Variants in DGKH observed in about 807,000 individuals in gnomAD.
DGKH encodes diacylglycerol kinase eta.
Under a neutral mutation model 159.3 loss-of-function variants are expected in DGKH, and 90 were observed. The ratio of observed to expected loss-of-function variants is 0.57; its 90% CI spans 0.48 to 0.67. DGKH has a LOEUF of 0.67. DGKH is among the 30% of genes least tolerant of loss of function. The pLI is 0.00. For synonymous variants in DGKH, 536 were observed against 553.8 expected, an observed-to-expected ratio of 0.97 and a Z score of 0.45; for missense variants, 1,181 against 1,506.1, an observed-to-expected ratio of 0.78 and a Z score of 3.57.
intron 13 of DGKH, among the ~76,000 whole-genome samples, chr13:42,181,220 T>A (rs1026986353): frequency 1.5e-5 from 2 of 133,710 alleles, no homozygotes; most frequent in South Asian, 2.3e-4. Flanking sequence ...GAGCTTGCAG[T>A]GAGCGGAGAT....
intron 16 of DGKH, 62 bp from the exon 17 acceptor site, chr13:42,194,823 G>T: frequency 6.6e-7 from 1 of 1,525,914 alleles, no homozygotes; most frequent in Non-Finnish European, 8.9e-7. Context: ...AAATTTATAG[G>T]AACGTGCTTA....
intron 13 of DGKH, 57 bp downstream of exon 13, chr13:42,178,277 C>T: frequency 7.3e-7 from 1 of 1,373,252 alleles, no homozygotes; most frequent in East Asian, 2.3e-5. Flanking sequence ...TAGCTGGCTC[C>T]TACCATTTAG....
intron 11 of DGKH, among the ~76,000 whole-genome samples, chr13:42,171,992 G>A (rs1023485666): frequency 6.6e-6 from 1 of 151,940 alleles, no homozygotes; most frequent in Non-Finnish European, 1.5e-5. Context: ...ACCACGCCCG[G>A]CTAATTTTTG....
intron 29 of DGKH, among the ~76,000 whole-genome samples, chr13:42,224,256 G>C (rs1397329865): frequency 1.3e-5 from 2 of 152,136 alleles, no homozygotes; most frequent in Non-Finnish European, 2.9e-5. Context: ...CCAGTGCTCT[G>C]CATTTTATAA....
chr13:42,165,485 AT>A (rs1171516904), intron 8 of DGKH, 52 bp downstream of exon 8: 2 of 1,024,452 alleles, frequency 2.0e-6, no homozygotes, highest in Admixed American at 2.7e-5. Flanking sequence ...TAACATTGAT[AT>A]GTATATTTCT....
chr13:42,248,454 C>T (rs1218981557), intron 29 of DGKH, among the ~76,000 whole-genome samples: 3 of 146,048 alleles, frequency 2.1e-5, no homozygotes, highest in African/African-American at 7.5e-5. Flanking sequence ...TATAGATATA[C>T]ATAAGTATAA....
At chr13:42,194,785 G>T in intron 16 of DGKH, 100 bp from the exon 17 acceptor site, 2 of 1,330,810 alleles carry the variant, frequency 1.5e-6, no homozygotes, top group Non-Finnish European at 2.0e-6. Context: ...CATTTCTACT[G>T]ATTGATTTAA....
At chr13:42,053,101 C>G (rs1881441155) in intron 1 of DGKH, among the ~76,000 whole-genome samples, 1 of 151,682 alleles carries the variant, frequency 6.6e-6, no homozygotes, top group African/African-American at 2.4e-5. Flanking sequence ...TTTGAGAGGC[C>G]AAGGTAGGAC....
chr13:42,156,283 C>T (rs548766084), intron 5 of DGKH, among the ~76,000 whole-genome samples: 1 of 152,128 alleles, frequency 6.6e-6, no homozygotes, highest in Non-Finnish European at 1.5e-5. Flanking sequence ...CACTCTGTCA[C>T]CCATCCTGGA....
At chr13:42,214,125 T>C (rs1957731034) in intron 24 of DGKH, among the ~76,000 whole-genome samples, 1 of 152,214 alleles carries the variant, frequency 6.6e-6, no homozygotes, top group African/African-American at 2.4e-5. Flanking sequence ...TGCTCTTCCC[T>C]AATCTGTTGC....
chr13:42,061,196 T>C (rs1882138634), intron 1 of DGKH, among the ~76,000 whole-genome samples: 1 of 152,184 alleles, frequency 6.6e-6, no homozygotes, highest in Non-Finnish European at 1.5e-5. Context: ...ATAGCATGTG[T>C]GGAAGGCTGG....
At chr13:42,216,261 A>G (rs1036255286) in intron 26 of DGKH, among the ~76,000 whole-genome samples, 2 of 152,232 alleles carry the variant, frequency 1.3e-5, no homozygotes, top group African/African-American at 4.8e-5. Context: ...GCCTTTCTTT[A>G]TAAATACCTC....
chr13:42,095,813 T>G (rs1954519499), intron 1 of DGKH, among the ~76,000 whole-genome samples: 1 of 152,232 alleles, frequency 6.6e-6, no homozygotes, highest in South Asian at 2.1e-4. Context: ...ATAACCTGAC[T>G]TGTTCACTAG....
At chr13:42,250,056 C>T (rs2060593) in intron 29 of DGKH, among the ~76,000 whole-genome samples, 56,703 of 151,074 alleles carry the variant, frequency 0.38, 11,064 homozygotes, top group East Asian at 0.63. Context: ...CTGCAACCTC[C>T]GCCTCTCGGG....
intron 3 of DGKH, among the ~76,000 whole-genome samples, chr13:42,146,189 T>A (rs1168548275): frequency 5.7e-5 from 8 of 140,468 alleles, no homozygotes; most frequent in African/African-American, 2.1e-4. Flanking sequence ...AGTATTCATA[T>A]GAATGTACTT....
intron 28 of DGKH, among the ~76,000 whole-genome samples, chr13:42,220,734 T>C (rs1021323024): frequency 2.0e-5 from 3 of 152,214 alleles, no homozygotes; most frequent in African/African-American, 7.2e-5. Flanking sequence ...TAAATTGTGA[T>C]TTAATAGCAC....
At chr13:42,095,005 A>T (rs1018752497) in intron 1 of DGKH, among the ~76,000 whole-genome samples, 1 of 152,120 alleles carries the variant, frequency 6.6e-6, no homozygotes, top group Non-Finnish European at 1.5e-5. Context: ...AGGAAAGGAA[A>T]AATTGGGCAG....
rs1295661384 is a variant in DGKH at position 42,238,179 on chromosome 13, C to CCT, written c.*8992_*8993dup. 2 of 152,106 alleles carry CCT rather than the reference C, an allele frequency of 1.3e-5. No individual in the cohort carries two copies. Among genetic ancestry groups the CCT allele is most frequent in the African/African-American group, 4.8e-5 (2 of 41,424 alleles). 9.4% of individuals were successfully genotyped at this position (152,106 alleles called of 1,614,324 possible). ...AGGAATTATATAAGTATGAATCATA[C>CCT]CTAATTTTACAATTTCTTTCCCACG... On this transcript the variant is annotated 3_prime_UTR_variant, in exon 30 of 30. Coordinates refer to ENST00000337343, the MANE Select transcript of DGKH (RefSeq NM_178009.5).
chr13:42,178,192 G>GAAC lies in DGKH; in HGVS notation c.1512_1514dup (p.Glu504_His505insGln). Reference sequence around the variant, plus strand: ...TCTTACAAAAATCCTCAATTCTGATGAACATGCAGTGGTCATATCTTCTGC... The same window carrying GAAC: ...TCTTACAAAAATCCTCAATTCTGATGAACAACATGCAGTGGTCATATCTTCTGC... On this transcript the variant is annotated inframe_insertion, in exon 13 of 30. Transcript: ENST00000337343. 1 of 1,602,980 alleles carries GAAC rather than the reference G, an allele frequency of 6.2e-7. No individual in the cohort carries two copies. The highest frequency in any genetic ancestry group is 8.5e-7 in the Non-Finnish European group (1 of 1,172,690).
Sources: allele counts gnomAD v4.1 joint callset (sites outside exome capture counted in the v4.1 genomes callset), GRCh38; gene constraint gnomAD v4.1.1; transcripts MANE v1.5; gene names NCBI Gene and HGNC (gene_info 2026-07-23, HGNC 2026-07-21).